PLCB4: variants seen among roughly 807,000 people sequenced by gnomAD.
PLCB4 encodes 1-phosphatidylinositol 4,5-bisphosphate phosphodiesterase beta-4.
Under a neutral mutation model 178.8 loss-of-function variants are expected in PLCB4, and 77 were observed. The observed-to-expected ratio is 0.43, with a 90% CI of 0.36 to 0.52. The LOEUF is 0.52. PLCB4 is among the 20% of genes least tolerant of loss of function. PLCB4 has a pLI of 0.00. For missense variants in PLCB4, 1,024 were observed against 1,453.4 expected, an observed-to-expected ratio of 0.70 and a Z score of 4.80; for synonymous variants, 496 against 490.8, an observed-to-expected ratio of 1.01 and a Z score of -0.14.
At chr20:9,269,818 C>T (rs1159056310) in intron 3 of PLCB4, among the ~76,000 whole-genome samples, 2 of 152,142 alleles carry the variant, frequency 1.3e-5, no homozygotes, top group East Asian at 1.9e-4. Context: ...TTCAAGAGCA[C>T]ACCCACTGTT....
At chr20:9,297,102 A>G (rs2094645798) in intron 3 of PLCB4, among the ~76,000 whole-genome samples, 1 of 152,080 alleles carries the variant, frequency 6.6e-6, no homozygotes, top group African/African-American at 2.4e-5. Flanking sequence ...TTATTCATGA[A>G]AGAGAAAAAC....
intron 2 of PLCB4, among the ~76,000 whole-genome samples, chr20:9,099,092 A>G (rs1195655835): frequency 6.6e-6 from 1 of 152,008 alleles, no homozygotes; most frequent in Non-Finnish European, 1.5e-5. Context: ...TTATACTACT[A>G]CCATTTATAC....
intron 4 of PLCB4, among the ~76,000 whole-genome samples, chr20:9,317,930 C>T (rs6118574): frequency 2.6e-5 from 4 of 152,082 alleles, no homozygotes; most frequent in African/African-American, 9.7e-5. Flanking sequence ...GAAACCCTGC[C>T]TTTACTAAAA....
chr20:9,190,211 G>A (rs973554641), intron 2 of PLCB4, among the ~76,000 whole-genome samples: 30 of 152,138 alleles, frequency 2.0e-4, no homozygotes, highest in African/African-American at 6.8e-4. Context: ...GCTGACTGGG[G>A]CTGGCTGGCG....
chr20:9,443,320 A>G (rs1387095493), intron 30 of PLCB4, among the ~76,000 whole-genome samples: 1 of 152,206 alleles, frequency 6.6e-6, no homozygotes, highest in Non-Finnish European at 1.5e-5. Context: ...GAATTAGTTG[A>G]CTGGCATGAT....
chr20:9,070,927 G>A (rs538349972), intron 1 of PLCB4, among the ~76,000 whole-genome samples: 17 of 152,164 alleles, frequency 1.1e-4, no homozygotes, highest in Non-Finnish European at 2.2e-4. Context: ...TTGATCACTG[G>A]GTGCACATTT....
intron 29 of PLCB4, among the ~76,000 whole-genome samples, chr20:9,436,010 G>A (rs1000673672): frequency 1.3e-5 from 2 of 152,208 alleles, no homozygotes; most frequent in African/African-American, 4.8e-5. Context: ...AACCTTTTGA[G>A]TGCTGACATT....
intron 1 of PLCB4, among the ~76,000 whole-genome samples, chr20:9,086,765 G>A (rs2090441478): frequency 6.6e-6 from 1 of 152,112 alleles, no homozygotes; most frequent in South Asian, 2.1e-4. Context: ...CCGATCATAG[G>A]GAAAAGGTTT....
intron 1 of PLCB4, among the ~76,000 whole-genome samples, chr20:9,081,244 C>G (rs2146515494): frequency 6.6e-6 from 1 of 152,312 alleles, no homozygotes; most frequent in East Asian, 1.9e-4. Context: ...GTAATTTGCA[C>G]AAAACAAATC....
At chr20:9,081,751 A>G (rs1187462568) in intron 1 of PLCB4, among the ~76,000 whole-genome samples, 2 of 111,216 alleles carry the variant, frequency 1.8e-5, no homozygotes, top group Non-Finnish European at 3.7e-5. Context: ...AATTAGGAAA[A>G]CAATCTGATG....
At chr20:9,128,809 A>G (rs1042835118) in intron 2 of PLCB4, among the ~76,000 whole-genome samples, 2 of 152,132 alleles carry the variant, frequency 1.3e-5, no homozygotes, top group South Asian at 2.1e-4. Flanking sequence ...CTCTATATCC[A>G]TTGAACAGAA....
intron 4 of PLCB4, among the ~76,000 whole-genome samples, chr20:9,329,302 G>T (rs1055062965): frequency 1.3e-5 from 2 of 152,146 alleles, no homozygotes. Context: ...TTTATTAAAA[G>T]GGAAGCCTTG....
chr20:9,260,750 G>T (rs1467651034), intron 3 of PLCB4, among the ~76,000 whole-genome samples: 1 of 152,084 alleles, frequency 6.6e-6, no homozygotes, highest in Non-Finnish European at 1.5e-5. Flanking sequence ...TTTTCAGAGA[G>T]AGAGATGATC....
intron 2 of PLCB4, among the ~76,000 whole-genome samples, chr20:9,198,444 A>C (rs1282668534): frequency 6.6e-6 from 1 of 152,232 alleles, no homozygotes; most frequent in Admixed American, 6.5e-5. Flanking sequence ...GAATATGGGG[A>C]ATCAACAAAG....
intron 2 of PLCB4, among the ~76,000 whole-genome samples, chr20:9,154,725 C>T (rs1032178005): frequency 5.9e-5 from 9 of 151,716 alleles, no homozygotes; most frequent in Admixed American, 5.3e-4. Context: ...CTCCCACAAC[C>T]CTCTCCCTCC....
Position 9,453,413 on chromosome 20 carries a change from G to C in PLCB4, c.2947G>C (p.Glu983Gln), listed in dbSNP as rs1362893535. Reference sequence around the variant, plus strand: ...CAAAATTGTGGCACAGTATGACAAAGAGAAGTCGACTCATGAGAAAATCCT... The same window carrying C: ...CAAAATTGTGGCACAGTATGACAAACAGAAGTCGACTCATGAGAAAATCCT... ...VDKIVAQYDKEKSTHEKILEK... is the reference protein window; with the variant it reads ...VDKIVAQYDKQKSTHEKILEK... The change falls in exon 33 of 40, where the codon GAG (glutamate) becomes CAG (glutamine). Residue 983 changes from glutamate to glutamine, a missense_variant. By Grantham distance (29) the Glu-to-Gln change is conservative. Coordinates refer to ENST00000378473, the MANE Select transcript of PLCB4 (RefSeq NM_001377142.1). The C allele has an allele frequency of 1.2e-6, 2 of 1,612,858 alleles. No homozygotes were observed. The highest frequency in any genetic ancestry group is 1.3e-5 in the African/African-American group (1 of 75,034).
intron 2 of PLCB4, among the ~76,000 whole-genome samples, chr20:9,147,872 C>CT (rs1056325253): frequency 6.6e-6 from 1 of 152,042 alleles, no homozygotes; most frequent in African/African-American, 2.4e-5. Context: ...GAATTGTGCT[C>CT]TTTTTGCAGT....
intron 7 of PLCB4, among the ~76,000 whole-genome samples, chr20:9,349,066 A>G (rs2034088476): frequency 6.6e-6 from 1 of 151,818 alleles, no homozygotes; most frequent in Non-Finnish European, 1.5e-5. Context: ...AAAAAAAAAA[A>G]GAAAAGAAAA....
chr20:9,471,143 GTAGT>G (rs1416435544), intron 36 of PLCB4, among the ~76,000 whole-genome samples: 1 of 152,056 alleles, frequency 6.6e-6, no homozygotes, highest in African/African-American at 2.4e-5. Context: ...TGTGTAGAGG[GTAGT>G]TAAAGTGATA....
Sources: gnomAD v4.1 joint callset for allele counts (sites outside exome capture counted in the v4.1 genomes callset) on GRCh38, gnomAD v4.1.1 for gene constraint, MANE v1.5 for transcripts, NCBI Gene and HGNC (gene_info 2026-07-23, HGNC 2026-07-21) for gene names.